The following KCNMA1 variants were observed in gnomAD, a reference collection of about 807,000 sequenced individuals.
The protein encoded by KCNMA1 is potassium calcium-activated channel subfamily M alpha 1.
Under a neutral mutation model 140.0 loss-of-function variants are expected in KCNMA1, and 29 were observed. The ratio of observed to expected loss-of-function variants is 0.21; its 90% CI spans 0.15 to 0.28. The LOEUF (loss-of-function observed/expected upper bound fraction) is 0.28. Ranked by LOEUF, KCNMA1 falls within the 10% of genes least tolerant of loss-of-function variation. The probability of loss-of-function intolerance (pLI) is 1.00; values close to 1 mark genes in which losing one functional copy is unlikely to be tolerated. For synonymous variants in KCNMA1, 612 were observed against 611.9 expected (o/e 1.00, Z 0.00); for missense variants, 880 against 1,602.2 (o/e 0.55, Z 7.70).
intron 5 of KCNMA1, among the ~76,000 whole-genome samples, chr10:77,124,330 G>A (rs181566423): frequency 3.8e-4 from 58 of 152,250 alleles, no homozygotes; most frequent in African/African-American, 1.3e-3. Context: ...AAATATAGTA[G>A]AATAAAAGCT....
intron 1 of KCNMA1, among the ~76,000 whole-genome samples, chr10:77,424,837 T>C (rs1448383952): frequency 6.6e-6 from 1 of 152,264 alleles, no homozygotes; most frequent in East Asian, 1.9e-4. Context: ...CCCTTGTTCT[T>C]TCTCATCACA....
chr10:77,154,791 C>T (rs984190438), intron 5 of KCNMA1, among the ~76,000 whole-genome samples: 1 of 152,206 alleles, frequency 6.6e-6, no homozygotes, highest in Non-Finnish European at 1.5e-5. Flanking sequence ...CCTAGTAGTA[C>T]AGACAAGTCA....
chr10:76,943,251 C>A (rs1565080799), intron 23 of KCNMA1, among the ~76,000 whole-genome samples: 1 of 152,206 alleles, frequency 6.6e-6, no homozygotes, highest in African/African-American at 2.4e-5. Context: ...AGAGCCTCTC[C>A]TAGGCCTTCA....
chr10:77,541,114 G>C (rs934981731), intron 1 of KCNMA1, among the ~76,000 whole-genome samples: 3 of 151,668 alleles, frequency 2.0e-5, no homozygotes, highest in Non-Finnish European at 4.4e-5. Flanking sequence ...TATAAGACAG[G>C]AAAGGGGGAA....
chr10:77,459,063 CA>C (rs1421111509), intron 1 of KCNMA1, among the ~76,000 whole-genome samples: 1 of 152,160 alleles, frequency 6.6e-6, no homozygotes, highest in Non-Finnish European at 1.5e-5. Flanking sequence ...GCAAGGGCTG[CA>C]CCTGGGGGTA....
chr10:77,496,316 G>T (rs2041895909), intron 1 of KCNMA1, among the ~76,000 whole-genome samples: 1 of 152,128 alleles, frequency 6.6e-6, no homozygotes, highest in Non-Finnish European at 1.5e-5. Context: ...AGAGGACAGG[G>T]CCGGGCACGG....
intron 5 of KCNMA1, among the ~76,000 whole-genome samples, chr10:77,178,649 G>C (rs559066438): frequency 1.7e-4 from 26 of 152,092 alleles, no homozygotes; most frequent in African/African-American, 5.8e-4. Context: ...AGGTTGCAGC[G>C]AGCCAATATC....
intron 19 of KCNMA1, among the ~76,000 whole-genome samples, chr10:76,977,194 T>G (rs867900457): frequency 9.2e-5 from 14 of 152,132 alleles, no homozygotes; most frequent in African/African-American, 3.1e-4. Flanking sequence ...ACTTTTAGAG[T>G]AGGGATGAAA....
At chr10:77,262,078 C>T (rs1304898508) in intron 2 of KCNMA1, among the ~76,000 whole-genome samples, 1 of 152,108 alleles carries the variant, frequency 6.6e-6, no homozygotes, top group African/African-American at 2.4e-5. Context: ...ACATTAAAGG[C>T]AAAACTGGAA....
chr10:77,186,910 A>T (rs1303882869), intron 3 of KCNMA1, among the ~76,000 whole-genome samples: 1 of 151,988 alleles, frequency 6.6e-6, no homozygotes, highest in Non-Finnish European at 1.5e-5. Context: ...ATAGCTGTGC[A>T]TTATAAACTC....
chr10:77,118,864 G>T (rs1164997841), intron 6 of KCNMA1, among the ~76,000 whole-genome samples: 1 of 152,198 alleles, frequency 6.6e-6, no homozygotes, highest in Non-Finnish European at 1.5e-5. Context: ...ATACCAATGG[G>T]TGCTCACTCC....
At chr10:77,011,943 G>C (rs940962978) in intron 18 of KCNMA1, 24 bp downstream of exon 18, 2 of 1,595,978 alleles carry the variant, frequency 1.3e-6, no homozygotes, top group South Asian at 1.1e-5. Flanking sequence ...AAAGGGAGGG[G>C]ACAGGGAGAG....
At chr10:76,870,737 G>A (rs1284399237) in exon 28 of KCNMA1, 1 of 152,430 alleles carries the variant, frequency 6.6e-6, no homozygotes. Flanking sequence ...ATCACCACAG[G>A]TTCTGTCCAG....
intron 12 of KCNMA1, among the ~76,000 whole-genome samples, chr10:77,080,186 C>T (rs774556706): frequency 1.4e-4 from 22 of 152,146 alleles, no homozygotes; most frequent in Non-Finnish European, 2.2e-4. Context: ...GGCAATGACC[C>T]GGTGACCCAG....
chr10:77,051,226 T>G (rs998268918), intron 14 of KCNMA1, among the ~76,000 whole-genome samples: 1 of 152,226 alleles, frequency 6.6e-6, no homozygotes, highest in African/African-American at 2.4e-5. Flanking sequence ...TGGGTACTTA[T>G]GTCTCCTATC....
chr10:77,147,869 C>T (rs2098337686), intron 5 of KCNMA1: 1 of 152,130 alleles, frequency 6.6e-6, no homozygotes. Context: ...GGACCTGAAT[C>T]AGTTTACATG....
intron 2 of KCNMA1, among the ~76,000 whole-genome samples, chr10:77,261,843 C>T (rs1389107069): frequency 1.3e-5 from 2 of 152,166 alleles, no homozygotes; most frequent in Admixed American, 1.3e-4. Flanking sequence ...GAAAAAGTTC[C>T]ATCTGCTGGT....
chr10:77,432,025 G>A (rs1014893318), intron 1 of KCNMA1, among the ~76,000 whole-genome samples: 2 of 152,040 alleles, frequency 1.3e-5, no homozygotes, highest in African/African-American at 4.8e-5. Flanking sequence ...AAAGGGTGTG[G>A]AGGTTGGGAT....
chr10:77,222,261 G>A (rs1329745745), intron 3 of KCNMA1, among the ~76,000 whole-genome samples: 1 of 152,180 alleles, frequency 6.6e-6, no homozygotes, highest in African/African-American at 2.4e-5. Flanking sequence ...ATAAGAATCA[G>A]ATTGGAAGAG....
Sources: allele counts gnomAD v4.1 joint callset (sites outside exome capture counted in the v4.1 genomes callset), GRCh38; gene constraint gnomAD v4.1.1; transcripts MANE v1.5; gene names NCBI Gene and HGNC (gene_info 2026-07-23, HGNC 2026-07-21).